VPS13B: variants seen among roughly 807,000 people sequenced by gnomAD.
The protein encoded by VPS13B is vacuolar protein sorting 13 homolog B, also known as intermembrane lipid transfer protein VPS13B.
In VPS13B, 285 loss-of-function variants were observed where a neutral mutation model predicts 426.4. That is an observed-to-expected ratio of 0.67 (90% CI 0.61 to 0.74). The LOEUF (loss-of-function observed/expected upper bound fraction) is 0.74, where lower values mean the gene tolerates loss of function less well. Among genes scored for constraint, VPS13B ranks in the 30% least tolerant of loss-of-function variants. VPS13B has a pLI of 0.00. For synonymous variants in VPS13B, 1,676 were observed against 1,676.4 expected (o/e 1.00, Z 0.01); for missense variants, 4,537 against 4,782.6 (o/e 0.95, Z 1.51).
intron 6 of VPS13B, among the ~76,000 whole-genome samples, chr8:99,112,774 A>G (rs1712834435): frequency 6.6e-6 from 1 of 152,164 alleles, no homozygotes; most frequent in African/African-American, 2.4e-5. Flanking sequence ...GTGCAAATGT[A>G]ATGGTCTATT....
Position 99,583,238 on chromosome 8 carries a change from G to A in VPS13B, c.5220+5605G>A, listed in dbSNP as rs1588518212. On this transcript the variant is annotated intron_variant, in intron 33 of 61. Coordinates refer to ENST00000357162, the MANE Select transcript of VPS13B (RefSeq NM_152564.5). ...GAGAGAAGATTGTGATTTGAGGTTG[G>A]TGTAAAGAATGTTAGAGAAAAATCT... 3.3e-5 allele frequency among the ~76,000 whole-genome samples: 5 copies of A among 152,174 alleles called. No individual in the cohort carries two copies. In the South Asian group the frequency reaches 1.0e-3, roughly 32 times the overall value.
chr8:99,728,028 G>T (rs1053045246), intron 39 of VPS13B, among the ~76,000 whole-genome samples: 3 of 152,218 alleles, frequency 2.0e-5, no homozygotes, highest in Admixed American at 6.5e-5. Flanking sequence ...TCTACATGGA[G>T]AAAGTATATC....
intron 17 of VPS13B, among the ~76,000 whole-genome samples, chr8:99,202,715 G>A (rs1429124301): frequency 6.6e-6 from 1 of 152,078 alleles, no homozygotes; most frequent in African/African-American, 2.4e-5. Flanking sequence ...GCATCATCCT[G>A]ATACCAAAAC....
Position 99,813,021 on chromosome 8 carries a change from A to G in VPS13B, c.8097+3491A>G, listed in dbSNP as rs139779530. ...TTAAGTAGCTGTCTTCAACTGATAA[A>G]TTAATCTTGAAATTCTAACCATAAT... On this transcript the variant is annotated intron_variant, in intron 44 of 61. Coordinates refer to ENST00000357162, the MANE Select transcript of VPS13B (RefSeq NM_152564.5). 5.7e-3 allele frequency among the ~76,000 whole-genome samples: 868 copies of G among 152,322 alleles called. 7 individuals carry two copies. The highest frequency in any genetic ancestry group is 0.019 in the African/African-American group (789 of 41,572).
intron 30 of VPS13B, among the ~76,000 whole-genome samples, chr8:99,532,133 A>G (rs542529603): frequency 1.4e-4 from 22 of 152,166 alleles, no homozygotes; most frequent in Non-Finnish European, 2.5e-4. Flanking sequence ...TGTTCATGCC[A>G]TGAATATTTC....
In VPS13B at chr8:99,597,195, G is replaced by A. The variant is rs548695391; in HGVS notation, c.5220+19562G>A. On this transcript the variant is annotated intron_variant, in intron 33 of 61. Coordinates refer to ENST00000357162, the MANE Select transcript of VPS13B (RefSeq NM_152564.5). Reference sequence around the variant, plus strand: ...TTTTGATGGGGCTTCCCATTATAGGGTCGCCCTGTGACACTGGCCTGGCCA... The same window carrying A: ...TTTTGATGGGGCTTCCCATTATAGGATCGCCCTGTGACACTGGCCTGGCCA... Among the ~76,000 whole-genome samples, 254 of 151,928 alleles carry A rather than the reference G, an allele frequency of 1.7e-3. 1 individual carries two copies. The highest frequency in any genetic ancestry group is 5.6e-3 in the South Asian group (27 of 4,820).
At chr8:99,117,822 G>A (rs1847749142) in intron 7 of VPS13B, among the ~76,000 whole-genome samples, 1 of 152,000 alleles carries the variant, frequency 6.6e-6, no homozygotes, top group African/African-American at 2.4e-5. Context: ...GTTTCTTTTT[G>A]GAATGATGAA....
At chr8:99,639,450 A>G (rs1358200124) in intron 33 of VPS13B, among the ~76,000 whole-genome samples, 1 of 152,128 alleles carries the variant, frequency 6.6e-6, no homozygotes, top group Non-Finnish European at 1.5e-5. Flanking sequence ...TTGAAAGAAT[A>G]TGGTGTCTTC....
In VPS13B at chr8:99,061,260, C is replaced by CTGATTT. The variant is rs553732911; in HGVS notation, c.291+22697_291+22702dup. On this transcript the variant is annotated intron_variant, in intron 3 of 61. Coordinates refer to ENST00000357162, the MANE Select transcript of VPS13B (RefSeq NM_152564.5). ...TGAATCTATAAAATGCAACAGTTCT[C>CTGATTT]TGATTTTGTTTTGATGATTAGATGC... 3.6e-3 allele frequency among the ~76,000 whole-genome samples: 510 copies of CTGATTT among 140,654 alleles called. 4 individuals are homozygous for CTGATTT. The highest frequency in any genetic ancestry group is 5.2e-3 in the Non-Finnish European group (335 of 64,666). 92.3% of individuals were successfully genotyped at this position (140,654 alleles called of 152,430 possible).
chr8:99,391,255 T>G (rs1018055023), intron 20 of VPS13B, among the ~76,000 whole-genome samples: 1 of 152,176 alleles, frequency 6.6e-6, no homozygotes, highest in Non-Finnish European at 1.5e-5. Flanking sequence ...AAAACTTACA[T>G]TTTCTGGGTA....
At chr8:99,531,226 A>T (rs1434840985) in intron 30 of VPS13B, among the ~76,000 whole-genome samples, 2 of 152,194 alleles carry the variant, frequency 1.3e-5, no homozygotes, top group African/African-American at 4.8e-5. Flanking sequence ...ATCCGTTTTT[A>T]GAGAATTTTC....
At chr8:99,304,490 G>A (rs1459116140) in intron 19 of VPS13B, among the ~76,000 whole-genome samples, 2 of 152,018 alleles carry the variant, frequency 1.3e-5, no homozygotes, top group Admixed American at 1.3e-4. Flanking sequence ...GATAATGCCA[G>A]TCAATTCTGT....
At chr8:99,199,819 T>A (rs1386315368) in intron 17 of VPS13B, among the ~76,000 whole-genome samples, 1 of 152,188 alleles carries the variant, frequency 6.6e-6, no homozygotes, top group Non-Finnish European at 1.5e-5. Context: ...CCCTCTTCCA[T>A]GTCAGAAATA....
At chr8:99,832,104 A>C (rs754152081) in intron 51 of VPS13B, among the ~76,000 whole-genome samples, 1 of 152,016 alleles carries the variant, frequency 6.6e-6, no homozygotes, top group Non-Finnish European at 1.5e-5. Flanking sequence ...TCTACTAAAA[A>C]TACAAAAATT....
At chr8:99,707,302 T>C (rs1285017007) in intron 36 of VPS13B, among the ~76,000 whole-genome samples, 1 of 152,138 alleles carries the variant, frequency 6.6e-6, no homozygotes, top group Non-Finnish European at 1.5e-5. Context: ...AAATATTTAA[T>C]TTATAGGACT....
intron 35 of VPS13B, among the ~76,000 whole-genome samples, chr8:99,691,448 C>A (rs1831659097): frequency 6.6e-6 from 1 of 151,574 alleles, no homozygotes; most frequent in South Asian, 2.1e-4. Context: ...TGTTTAAAAA[C>A]ATGGGGAGAA....
chr8:99,067,862 C>T (rs1383389839), intron 3 of VPS13B, among the ~76,000 whole-genome samples: 1 of 152,138 alleles, frequency 6.6e-6, no homozygotes, highest in East Asian at 1.9e-4. Context: ...TCTTCTTATA[C>T]ATTGAATACT....
rs571050816 is a variant in VPS13B, at chr8:99,234,176, G to A, written c.2516-40022G>A. ...GGGAGCTCACCTCTTCATCCAGGAT[G>A]TAGGAAATCTTGAAGGAATAGTTCT... On this transcript the variant is annotated intron_variant, in intron 17 of 61. Coordinates refer to ENST00000357162, the MANE Select transcript of VPS13B (RefSeq NM_152564.5). The A allele has an allele frequency of 1.4e-4, 108 of 779,970 alleles. 1 individual carries two copies. The Middle Eastern group carries it at 2.3e-3, about 17-fold the overall frequency. 48.3% of individuals were successfully genotyped at this position (779,970 alleles called of 1,614,324 possible).
intron 2 of VPS13B, among the ~76,000 whole-genome samples, chr8:99,028,985 G>T (rs1259249145): frequency 6.6e-6 from 1 of 150,704 alleles, no homozygotes; most frequent in Non-Finnish European, 1.5e-5. Context: ...CTCAGACGGG[G>T]CGGCTGCCGG....
Sources: allele counts gnomAD v4.1 joint callset (sites outside exome capture counted in the v4.1 genomes callset), GRCh38; gene constraint gnomAD v4.1.1; transcripts MANE v1.5; gene names NCBI Gene and HGNC (gene_info 2026-07-23, HGNC 2026-07-21).